CNNM4: variants seen among roughly 807,000 people sequenced by gnomAD.
CNNM4 encodes the protein metal transporter CNNM4.
Under a neutral mutation model 53.7 loss-of-function variants are expected in CNNM4, and 32 were observed. The ratio of observed to expected loss-of-function variants is 0.60; its 90% CI spans 0.45 to 0.80. CNNM4 has a LOEUF of 0.80. Among genes scored for constraint, CNNM4 ranks in the 30% least tolerant of loss-of-function variants. The pLI is 0.00. For missense variants in CNNM4, 784 were observed against 1,022.0 expected (o/e 0.77, Z 3.17); for synonymous variants, 410 against 440.0 (o/e 0.93, Z 0.85).
chr2:96,782,508 AT>A (rs984755508), intron 1 of CNNM4, among the ~76,000 whole-genome samples: 8 of 151,264 alleles, frequency 5.3e-5, no homozygotes, highest in Non-Finnish European at 1.0e-4. Context: ...ATACCATATC[AT>A]TTTTTTTTCT....
intron 3 of CNNM4, 126 bp from the exon 4 acceptor site, chr2:96,798,930 GC>G: frequency 1.1e-6 from 1 of 940,346 alleles, no homozygotes; most frequent in East Asian, 2.5e-5. Context: ...ACGAGGGCCG[GC>G]CGAGCAGGGC....
chr2:96,806,084 C>G (rs527361313), intron 5 of CNNM4, among the ~76,000 whole-genome samples: 90 of 147,552 alleles, frequency 6.1e-4, no homozygotes, highest in African/African-American at 2.3e-3. Flanking sequence ...GGGGCTGACC[C>G]CCCCCAACCT....
At position 96,801,070 on chromosome 2, in the gene CNNM4, A is replaced by C. The variant is rs909908396; in HGVS notation, c.1948+1422A>C. ...CATCACTGACCTTCTCTTTTGCTCC[A>C]GTGCCTTCAGTCCAGGTCGGGTGTC... is the stretch of plus-strand genomic sequence containing the variant. On this transcript the variant is annotated intron_variant, in intron 5 of 6. Transcript: ENST00000377075. This position sits in a 1 kb window ranked among gnomAD's most constrained non-coding sequence, Gnocchi z 5.6. 2.0e-6 allele frequency: 2 copies of C among 985,160 alleles called. No individual in the cohort carries two copies. The highest frequency in any genetic ancestry group is 2.4e-6 in the Non-Finnish European group (2 of 829,818). The allele number at this position is 985,160 out of a possible 1,614,324, so 61.0% of individuals were successfully genotyped here. A position where few individuals can be genotyped will look rare whatever the true frequency, so the allele number is the denominator to read the frequency against.
chr2:96,803,507 C>A (rs2079176158), intron 5 of CNNM4, among the ~76,000 whole-genome samples: 1 of 152,194 alleles, frequency 6.6e-6, no homozygotes, highest in East Asian at 1.9e-4. Context: ...CGTGGATTGC[C>A]TGAGGTCGGG....
chr2:96,781,838 G>A (rs1210022092), intron 1 of CNNM4, among the ~76,000 whole-genome samples: 1 of 152,132 alleles, frequency 6.6e-6, no homozygotes, highest in Non-Finnish European at 1.5e-5. Flanking sequence ...TCCTGGGAAG[G>A]CTTTCAAAGT....
At chr2:96,806,075 G>A (rs2079202221) in intron 5 of CNNM4, among the ~76,000 whole-genome samples, 1 of 144,894 alleles carries the variant, frequency 6.9e-6, no homozygotes, top group African/African-American at 2.9e-5. Context: ...CCGGGCAGGG[G>A]GGCTGACCCC....
At chr2:96,798,433 G>A (rs2079125692) in intron 3 of CNNM4, 1 of 165,784 alleles carries the variant, frequency 6.0e-6, no homozygotes. Flanking sequence ...CTTTGCAGAC[G>A]TGTGCTGGTT....
intron 1 of CNNM4, among the ~76,000 whole-genome samples, chr2:96,786,304 C>T (rs149540134): frequency 6.6e-6 from 1 of 151,040 alleles, no homozygotes; most frequent in Admixed American, 6.6e-5. Context: ...GTAATCCCAG[C>T]TACTCGAGAT....
chr2:96,789,779 G>A (rs1258431207), intron 1 of CNNM4, among the ~76,000 whole-genome samples: 1 of 150,636 alleles, frequency 6.6e-6, no homozygotes, highest in African/African-American at 2.4e-5. Context: ...TGCAACCTCC[G>A]CCTCCTAGGT....
chr2:96,774,761 C>G (rs1340312707), intron 1 of CNNM4, among the ~76,000 whole-genome samples: 1 of 151,850 alleles, frequency 6.6e-6, no homozygotes, highest in African/African-American at 2.4e-5. Context: ...GTTAGGAGTT[C>G]GAGACCAGCC....
chr2:96,772,030 G>A (rs946728307), intron 1 of CNNM4, among the ~76,000 whole-genome samples: 1 of 152,088 alleles, frequency 6.6e-6, no homozygotes, highest in Non-Finnish European at 1.5e-5. Flanking sequence ...TGAAGGGGTA[G>A]GGTTGTTGCA....
In CNNM4 at chr2:96,797,686, G is replaced by A. The variant is rs781364091; in HGVS notation, c.1681+39G>A. The A allele has an allele frequency of 2.5e-6, 4 of 1,610,978 alleles. No individual in the cohort carries two copies. The highest frequency in any genetic ancestry group is 2.2e-5 in the East Asian group (1 of 44,858). ...GACCTTCCGGTCTTGGTGGAAATACGGTCACGGGGGAGAAGTCCTGGGTTT... is the reference window on the plus strand; with the variant it reads ...GACCTTCCGGTCTTGGTGGAAATACAGTCACGGGGGAGAAGTCCTGGGTTT... On this transcript the variant is annotated intron_variant, in intron 3 of 6. Coordinates refer to ENST00000377075, the MANE Select transcript of CNNM4 (RefSeq NM_020184.4). This position sits in a 1 kb window ranked among gnomAD's most constrained non-coding sequence, Gnocchi z 6.0.
intron 3 of CNNM4, among the ~76,000 whole-genome samples, chr2:96,798,725 C>T (rs1277874627): frequency 2.0e-5 from 3 of 152,100 alleles, no homozygotes; most frequent in Non-Finnish European, 4.4e-5. Flanking sequence ...ATGTGCTATC[C>T]CATTCACCCT....
chr2:96,798,174 A>T, intron 3 of CNNM4: 1 of 229,730 alleles, frequency 4.4e-6, no homozygotes, highest in South Asian at 6.5e-5. Context: ...TTGAAGCTGC[A>T]GTAAGTTGTG....
Position 96,762,387 on chromosome 2 carries a change from AG to A in CNNM4, c.1390del (p.Glu464SerfsTer15). On this transcript the variant is annotated frameshift_variant, in exon 1 of 7. Transcript: ENST00000377075. LOFTEE classifies it high-confidence loss of function. ...GACACCAAGTTGGATGCCATGCTGG[AG>A]GAGTTCAAGAAGGGTAAGGCCAGAT... ...FHDTKLDAML[E>X]EFKKGKSHLA... 6.2e-7 allele frequency: 1 copy of A among 1,614,122 alleles called. No homozygotes were observed. The highest frequency in any genetic ancestry group is 8.5e-7 in the Non-Finnish European group (1 of 1,180,020).
rs80100937 is a variant in CNNM4 at position 96,799,065 on chromosome 2, C to T, written c.1690C>T (p.Gln564Ter). 3.7e-6 allele frequency: 6 copies of T among 1,613,996 alleles called. No homozygotes were observed. The highest frequency in any genetic ancestry group is 1.7e-5 in the Admixed American group (1 of 60,010). ...TCTCTCTCCTCCTACAGAGGTCTCT[C>T]AGTTTAGCCCCTCCCTGATATCAGA... is the stretch of plus-strand genomic sequence containing the variant. ...AHRFLATEVS[Q>*]FSPSLISEKI... is the part of the protein sequence containing the mutation. The change falls in exon 4 of 7, where the codon CAG (glutamine) becomes TAG (stop). Residue 564 changes from glutamine to a stop codon, truncating the protein, a stop_gained. Coordinates refer to ENST00000377075, the MANE Select transcript of CNNM4 (RefSeq NM_020184.4). LOFTEE classifies it high-confidence loss of function.
rs115699810 is a variant in CNNM4, at chr2:96,775,193, C to T, written c.1402+12792C>T. On this transcript the variant is annotated intron_variant, in intron 1 of 6. Coordinates refer to ENST00000377075, the MANE Select transcript of CNNM4 (RefSeq NM_020184.4). ...CTGCCACTGAGCTCCAGTAATAACA[C>T]ATTATCCACACCCTGGAAGCCCACC... Among the ~76,000 whole-genome samples, 1,349 of 152,086 alleles carry T rather than the reference C, an allele frequency of 8.9e-3. 15 individuals are homozygous for T. The highest frequency in any genetic ancestry group is 0.012 in the Non-Finnish European group (829 of 67,996).
Position 96,801,671 on chromosome 2 carries a change from CACAG to C in CNNM4, c.1948+2025_1948+2028del. 6.7e-6 allele frequency among the ~76,000 whole-genome samples: 1 copy of C among 148,884 alleles called. No individual in the cohort carries two copies. Among genetic ancestry groups the C allele is most frequent in the Admixed American group, 6.7e-5 (1 of 15,026 alleles). On this transcript the variant is annotated intron_variant, in intron 5 of 6. Transcript: ENST00000377075. The surrounding 1 kb of genome is among the most constrained non-coding windows in gnomAD (Gnocchi z 5.6). ...TGCAGAGAGACCACACACACACACA[CACAG>C]AGACCACACGCAGAGAGACCACACA... is the stretch of plus-strand genomic sequence containing the variant.
chr2:96,807,507 G>A (rs1418114067), intron 5 of CNNM4, among the ~76,000 whole-genome samples: 2 of 152,036 alleles, frequency 1.3e-5, no homozygotes, highest in Non-Finnish European at 2.9e-5. Flanking sequence ...ATGCGCCTGG[G>A]TGACAGAGTA....
Sources: allele counts gnomAD v4.1 joint callset (sites outside exome capture counted in the v4.1 genomes callset), GRCh38; gene constraint gnomAD v4.1.1; non-coding constraint Gnocchi (gnomAD v3.1); transcripts MANE v1.5; gene names NCBI Gene and HGNC (gene_info 2026-07-23, HGNC 2026-07-21).